Variants in WDR19 observed in about 807,000 individuals in gnomAD.
WDR19 encodes WD repeat-containing protein 19.
WDR19 carries 121 observed loss-of-function variants against 180.0 expected under a neutral mutation model. That is an observed-to-expected ratio of 0.67 (90% confidence interval 0.58 to 0.78). WDR19 has a LOEUF of 0.78. WDR19 is among the 30% of genes least tolerant of loss of function. The pLI, the probability that WDR19 is intolerant of heterozygous loss-of-function variation, is 0.00. For missense variants in WDR19, 1,450 were observed against 1,640.7 expected (o/e 0.88, Z 2.01); for synonymous variants, 497 against 540.7 (o/e 0.92, Z 1.12).
chr4:39,228,291 G>A lies in WDR19; in HGVS notation c.1711G>A (p.Gly571Ser), dbSNP rs2109357664. The change falls in exon 16 of 37, where the codon GGT becomes AGT. Residue 571 changes from glycine (G) to serine (S), a missense_variant. Gly to Ser is a moderately conservative substitution (Grantham distance 56). Transcript: ENST00000399820. ...VLWENWPMDK[G>S]VFIAYDDDKV... ...TTGGGAAAACTGGCCAATGGATAAA[G>A]GTGTATTTATTGCTTATGATGATGA... 5.6e-6 allele frequency: 9 copies of A among 1,613,374 alleles called. No individual in the cohort carries two copies. The highest frequency in any genetic ancestry group is 6.8e-6 in the Non-Finnish European group (8 of 1,179,584).
intron 34 of WDR19, among the ~76,000 whole-genome samples, chr4:39,277,696 CAT>C (rs1170548254): frequency 2.0e-5 from 3 of 152,162 alleles, no homozygotes; most frequent in Non-Finnish European, 4.4e-5. Flanking sequence ...GTTACCCACA[CAT>C]GTGAAATAGC....
chr4:39,241,493 C>A (rs374846193), intron 21 of WDR19, among the ~76,000 whole-genome samples: 176 of 119,462 alleles, frequency 1.5e-3, no homozygotes, highest in Admixed American at 2.1e-3. Context: ...GACTATATCT[C>A]AAAAAAAAAA....
intron 1 of WDR19, among the ~76,000 whole-genome samples, chr4:39,182,887 G>A (rs1250558102): frequency 6.6e-6 from 1 of 152,122 alleles, no homozygotes; most frequent in African/African-American, 2.4e-5. Context: ...CTTCGCACGC[G>A]GAAAGAACTG....
intron 28 of WDR19, among the ~76,000 whole-genome samples, chr4:39,262,306 AC>A (rs764932349): frequency 6.6e-6 from 1 of 152,106 alleles, no homozygotes; most frequent in Non-Finnish European, 1.5e-5. Flanking sequence ...CCCAGGTGGC[AC>A]AATCAGAGCT....
Position 39,228,575 on chromosome 4 carries a change from C to G in WDR19, c.1867C>G (p.Gln623Glu), listed in dbSNP as rs1361792881. Residue 623 changes from glutamine (Q) to glutamate (E), a missense_variant, in exon 17 of 37, where the codon CAG becomes GAG. Transcript: ENST00000399820. Reference sequence around the variant, plus strand: ...TAATGGAGAGCTGACCTGCCAAACACAGAGTGGAAAAGTAAACAACATCTA... The same window carrying G: ...TAATGGAGAGCTGACCTGCCAAACAGAGAGTGGAAAAGTAAACAACATCTA... ...LYNGELTCQT[Q>E]SGKVNNIYLS... 1 of 1,613,928 alleles carries G rather than the reference C, an allele frequency of 6.2e-7. No individual in the cohort carries two copies. Among genetic ancestry groups the G allele is most frequent in the Admixed American group, 1.7e-5 (1 of 60,026 alleles).
chr4:39,276,662 C>T (rs1735927796), intron 33 of WDR19, among the ~76,000 whole-genome samples: 1 of 152,184 alleles, frequency 6.6e-6, no homozygotes, highest in African/African-American at 2.4e-5. Context: ...ACTTGTACCA[C>T]TTCTGTTACA....
intron 9 of WDR19, among the ~76,000 whole-genome samples, chr4:39,211,210 C>CA (rs1165571995): frequency 1.3e-5 from 2 of 151,896 alleles, no homozygotes; most frequent in African/African-American, 2.4e-5. Context: ...AGAACAACTA[C>CA]AAAAAACCTA....
At chr4:39,244,125 C>T (rs1732253460) in intron 21 of WDR19, 123 bp from the exon 22 acceptor site, 3 of 1,170,230 alleles carry the variant, frequency 2.6e-6, no homozygotes, top group Admixed American at 5.6e-5. Context: ...ATGAGGCTTC[C>T]CTGAAAAGAT....
At position 39,277,098 on chromosome 4, in the gene WDR19, C is replaced by A. The variant is rs781141551; in HGVS notation, c.3795C>A (p.Leu1265=). 1 of 1,613,746 alleles carries A rather than the reference C, an allele frequency of 6.2e-7. No individual in the cohort carries two copies. Among genetic ancestry groups the A allele is most frequent in the Admixed American group, 1.7e-5 (1 of 60,012 alleles). Residue 1265 remains leucine (L), a synonymous_variant, in exon 34 of 37, where the codon CTC becomes CTA. Coordinates refer to ENST00000399820, the MANE Select transcript of WDR19 (RefSeq NM_025132.4). ...AATTTCTTCTCCCAGAGTGTGAACT[C>A]CTCTGTCCTGGATGTAAAAACAGTA... ...FCKFLLPECE[L]LCPGCKNSIP... is the part of the protein sequence containing the mutation.
chr4:39,216,323 A>T, intron 12 of WDR19, 113 bp downstream of exon 12: 3 of 847,966 alleles, frequency 3.5e-6, no homozygotes, highest in Non-Finnish European at 5.4e-6. Context: ...TTATTCACAT[A>T]TCTCATTCTT....
intron 2 of WDR19, among the ~76,000 whole-genome samples, chr4:39,186,084 A>G (rs1444373887): frequency 6.6e-6 from 1 of 152,360 alleles, no homozygotes; most frequent in African/African-American, 2.4e-5. Context: ...GAAAGTTCAT[A>G]GAACCTTTTC....
chr4:39,266,025 A>G, intron 28 of WDR19, 38 bp from the exon 29 acceptor site: 1 of 1,528,900 alleles, frequency 6.5e-7, no homozygotes, highest in Non-Finnish European at 8.9e-7. Flanking sequence ...TCGGTTTAAG[A>G]TGCTGAATTT....
chr4:39,261,247 C>T (rs1734269286), intron 28 of WDR19, among the ~76,000 whole-genome samples: 1 of 151,928 alleles, frequency 6.6e-6, no homozygotes, highest in Non-Finnish European at 1.5e-5. Flanking sequence ...CCACCTTGGC[C>T]TCCCAAAGTG....
rs182700453 is a variant in WDR19 at position 39,245,505 on chromosome 4, A to G, written c.2729+53A>G. 4.2e-3 allele frequency: 6,444 copies of G among 1,551,170 alleles called. 14 individuals carry two copies. Among genetic ancestry groups the G allele is most frequent in the Non-Finnish European group, 5.0e-3 (5,672 of 1,136,080 alleles). On this transcript the variant is annotated intron_variant, in intron 24 of 36. Coordinates refer to ENST00000399820, the MANE Select transcript of WDR19 (RefSeq NM_025132.4). The stretch of plus-strand genomic sequence containing the variant: ...AATTTAAAGTAATGTAAGCTTTACA[A>G]ATTAACCATTGATATTTGCAACCCT...
chr4:39,270,177 C>G, intron 31 of WDR19, 77 bp downstream of exon 31: 1 of 1,562,148 alleles, frequency 6.4e-7, no homozygotes, highest in Non-Finnish European at 8.8e-7. Context: ...AGGCCCTTCT[C>G]CATTGGATTC....
intron 14 of WDR19, among the ~76,000 whole-genome samples, chr4:39,223,262 G>A (rs1011938713): frequency 2.0e-5 from 3 of 152,158 alleles, no homozygotes; most frequent in African/African-American, 7.2e-5. Context: ...ATTTTATAGT[G>A]TGTAAATTAT....
intron 6 of WDR19, 117 bp downstream of exon 6, chr4:39,199,710 G>A (rs1012267933): frequency 8.2e-6 from 6 of 735,598 alleles, no homozygotes; most frequent in Non-Finnish European, 1.3e-5. Flanking sequence ...GTATATATGT[G>A]TGTGTGTGTA....
intron 36 of WDR19, among the ~76,000 whole-genome samples, chr4:39,284,953 G>A (rs2109549995): frequency 6.6e-6 from 1 of 152,138 alleles, no homozygotes; most frequent in South Asian, 2.1e-4. Context: ...GGAGGCTGAG[G>A]CATGAGGATC....
chr4:39,246,557 T>C (rs1732544747), intron 24 of WDR19, among the ~76,000 whole-genome samples: 1 of 152,192 alleles, frequency 6.6e-6, no homozygotes, highest in South Asian at 2.1e-4. Context: ...GTGCAAGGCA[T>C]CGCCTCACCC....
Sources: allele counts gnomAD v4.1 joint callset (sites outside exome capture counted in the v4.1 genomes callset), GRCh38; gene constraint gnomAD v4.1.1; transcripts MANE v1.5; gene names NCBI Gene and HGNC (gene_info 2026-07-23, HGNC 2026-07-21).